The following ATRNL1 variants were observed in gnomAD, a reference collection of about 807,000 sequenced individuals.
The protein encoded by ATRNL1 is attractin like 1.
ATRNL1 carries 95 observed loss-of-function variants against 182.7 expected under a neutral mutation model. The observed-to-expected ratio is 0.52, with a 90% CI of 0.44 to 0.62. ATRNL1 has a LOEUF of 0.62. ATRNL1 is among the 20% of genes least tolerant of loss of function. The pLI, the probability that ATRNL1 is intolerant of heterozygous loss-of-function variation, is 0.00. For missense variants in ATRNL1, 1,471 were observed against 1,679.5 expected, an observed-to-expected ratio of 0.88 and a Z score of 2.17; for synonymous variants, 576 against 568.3, an observed-to-expected ratio of 1.01 and a Z score of -0.19.
At chr10:115,636,979 G>A (rs1347061192) in intron 26 of ATRNL1, among the ~76,000 whole-genome samples, 1 of 152,118 alleles carries the variant, frequency 6.6e-6, no homozygotes, top group Non-Finnish European at 1.5e-5. Context: ...AACTGAAACA[G>A]GACGATAAAA....
intron 14 of ATRNL1, among the ~76,000 whole-genome samples, chr10:115,283,872 T>C (rs1200953821): frequency 1.3e-5 from 2 of 152,212 alleles, no homozygotes; most frequent in Non-Finnish European, 2.9e-5. Flanking sequence ...TTATAAAGGC[T>C]CCACTTGACC....
chr10:115,380,507 G>C (rs2134229787), intron 19 of ATRNL1, among the ~76,000 whole-genome samples: 1 of 152,150 alleles, frequency 6.6e-6, no homozygotes, highest in Admixed American at 6.5e-5. Context: ...GTCATTAGCA[G>C]CCATTCCCCT....
chr10:115,342,815 GAA>G (rs1855811676), intron 19 of ATRNL1, among the ~76,000 whole-genome samples: 1 of 152,002 alleles, frequency 6.6e-6, no homozygotes, highest in Non-Finnish European at 1.5e-5. Flanking sequence ...GTTTGTCTGG[GAA>G]AGTCTTTATT....
chr10:115,330,538 G>A (rs1246974546), intron 18 of ATRNL1, among the ~76,000 whole-genome samples: 1 of 151,932 alleles, frequency 6.6e-6, no homozygotes, highest in Non-Finnish European at 1.5e-5. Flanking sequence ...TAATTAATAA[G>A]TTTGCTCTAT....
At chr10:115,137,025 A>G (rs1005080954) in intron 5 of ATRNL1, among the ~76,000 whole-genome samples, 1 of 152,228 alleles carries the variant, frequency 6.6e-6, no homozygotes, top group Non-Finnish European at 1.5e-5. Flanking sequence ...GTTCATGTGT[A>G]AAGAACACAA....
chr10:115,475,949 C>T (rs1848509286), intron 24 of ATRNL1, among the ~76,000 whole-genome samples: 1 of 151,310 alleles, frequency 6.6e-6, no homozygotes, highest in Admixed American at 6.6e-5. Flanking sequence ...CTCATCATAA[C>T]AAAGACAAAA....
chr10:115,463,756 G>C (rs1847926007), intron 22 of ATRNL1, among the ~76,000 whole-genome samples: 1 of 151,898 alleles, frequency 6.6e-6, no homozygotes, highest in South Asian at 2.1e-4. Flanking sequence ...GTAATCATTT[G>C]TCCTTTTTTA....
At chr10:115,750,517 A>G (rs1359986997) in intron 27 of ATRNL1, among the ~76,000 whole-genome samples, 1 of 151,874 alleles carries the variant, frequency 6.6e-6, no homozygotes, top group Non-Finnish European at 1.5e-5. Flanking sequence ...ACTAGGAGAA[A>G]ACAAAGGTGA....
At chr10:115,382,867 A>G (rs1858104990) in intron 19 of ATRNL1, among the ~76,000 whole-genome samples, 1 of 151,822 alleles carries the variant, frequency 6.6e-6, no homozygotes, top group Non-Finnish European at 1.5e-5. Flanking sequence ...TGCCCACACT[A>G]TTTATCAAGT....
chr10:115,641,888 CTT>C (rs1161551699), intron 26 of ATRNL1, among the ~76,000 whole-genome samples: 2 of 151,736 alleles, frequency 1.3e-5, no homozygotes, highest in Non-Finnish European at 2.9e-5. Context: ...TAATCATAGA[CTT>C]ATTTCTCAAT....
chr10:115,804,804 AG>A (rs1439746188), intron 27 of ATRNL1, among the ~76,000 whole-genome samples: 1 of 152,188 alleles, frequency 6.6e-6, no homozygotes, highest in African/African-American at 2.4e-5. Flanking sequence ...TTAAGATCAC[AG>A]GGGAGTTAAT....
chr10:115,605,716 A>G (rs1483934958), intron 26 of ATRNL1, among the ~76,000 whole-genome samples: 1 of 152,020 alleles, frequency 6.6e-6, no homozygotes, highest in Admixed American at 6.6e-5. Context: ...GCATATACAG[A>G]AATGCATCGA....
intron 28 of ATRNL1, among the ~76,000 whole-genome samples, chr10:115,863,302 A>G (rs1555103883): frequency 6.6e-6 from 1 of 152,204 alleles, no homozygotes; most frequent in Non-Finnish European, 1.5e-5. Context: ...TATAGGGAAG[A>G]AAAGAGCAAC....
At chr10:115,658,812 G>A (rs185437373) in intron 26 of ATRNL1, among the ~76,000 whole-genome samples, 1 of 152,110 alleles carries the variant, frequency 6.6e-6, no homozygotes, top group Non-Finnish European at 1.5e-5. Context: ...AGACATACTT[G>A]AGACTGGGTA....
At chr10:115,358,513 C>T (rs1267470709) in intron 19 of ATRNL1, among the ~76,000 whole-genome samples, 1 of 151,446 alleles carries the variant, frequency 6.6e-6, no homozygotes, top group Non-Finnish European at 1.5e-5. Flanking sequence ...AGCATTATAT[C>T]TAAAAATGTG....
chr10:115,946,250 T>C lies in ATRNL1; in HGVS notation c.*1471T>C, dbSNP rs371851688. 1.3e-5 allele frequency: 2 copies of C among 152,232 alleles called. No homozygotes were observed. The highest frequency in any genetic ancestry group is 4.8e-5 in the African/African-American group (2 of 41,464). 9.4% of individuals were successfully genotyped at this position (152,232 alleles called of 1,614,324 possible). A position where few individuals can be genotyped will look rare whatever the true frequency, so the allele number is the denominator to read the frequency against. ...GGATTTCTGGAAGGTTATGACACTT[T>C]ACTGTTTACAGCTAATGCATAGTTA... On this transcript the variant is annotated 3_prime_UTR_variant, in exon 29 of 29. Transcript: ENST00000355044.
intron 26 of ATRNL1, among the ~76,000 whole-genome samples, chr10:115,670,962 A>G (rs1375038575): frequency 1.3e-5 from 2 of 152,170 alleles, no homozygotes; most frequent in Admixed American, 1.3e-4. Flanking sequence ...TATTGAAGCC[A>G]CTGTACCTTT....
At chr10:115,110,123 T>G (rs868989115) in intron 1 of ATRNL1, among the ~76,000 whole-genome samples, 12 of 152,226 alleles carry the variant, frequency 7.9e-5, no homozygotes, top group African/African-American at 2.9e-4. Context: ...CAAAGCATAT[T>G]ATAATTTCCA....
rs545267512 is a variant in ATRNL1 at position 115,510,676 on chromosome 10, A to C, written c.3655-8587A>C. The stretch of plus-strand genomic sequence containing the variant: ...TTTATTGCGATATTAACTTTATTGC[A>C]GTAGTCTGTAACTAAACTTGCAACA... On this transcript the variant is annotated intron_variant, in intron 24 of 28. Coordinates refer to ENST00000355044, the MANE Select transcript of ATRNL1 (RefSeq NM_207303.4). Among the ~76,000 whole-genome samples the C allele has an allele frequency of 4.6e-5, 7 of 152,192 alleles. No homozygotes were observed. The East Asian group carries it at 7.7e-4, about 17-fold the overall frequency.
Sources: allele counts gnomAD v4.1 joint callset (sites outside exome capture counted in the v4.1 genomes callset), GRCh38; gene constraint gnomAD v4.1.1; transcripts MANE v1.5; gene names NCBI Gene and HGNC (gene_info 2026-07-23, HGNC 2026-07-21).